MYT1L: variants seen among roughly 807,000 people sequenced by gnomAD.
The protein encoded by MYT1L is myelin transcription factor 1-like protein.
Under a neutral mutation model 126.7 loss-of-function variants are expected in MYT1L, and 12 were observed. That is an observed-to-expected ratio of 0.09 (90% CI 0.06 to 0.15). The LOEUF is 0.15. MYT1L is among the 10% of genes least tolerant of loss of function. The probability of loss-of-function intolerance (pLI) is 1.00; values close to 1 mark genes in which losing one functional copy is unlikely to be tolerated. For missense variants in MYT1L, 979 were observed against 1,585.2 expected (o/e 0.62, Z 6.49); for synonymous variants, 541 against 604.2 (o/e 0.90, Z 1.53).
chr2:1,859,847 G>C (rs900475788), intron 18 of MYT1L, among the ~76,000 whole-genome samples: 1 of 152,220 alleles, frequency 6.6e-6, no homozygotes, highest in Non-Finnish European at 1.5e-5. Context: ...ACAGCGCGCC[G>C]GATGAGAGGG....
At chr2:1,905,226 C>G (rs891605141) in intron 13 of MYT1L, among the ~76,000 whole-genome samples, 1 of 152,096 alleles carries the variant, frequency 6.6e-6, no homozygotes, top group Non-Finnish European at 1.5e-5. Flanking sequence ...CAGAGAGTTT[C>G]TTGTTGAATT....
In MYT1L at chr2:2,308,161, C is replaced by T. The variant is rs916793128; in HGVS notation, c.-521+22806G>A. 3.3e-5 allele frequency among the ~76,000 whole-genome samples: 5 copies of T among 151,684 alleles called. No individual in the cohort carries two copies. The South Asian group carries it at 6.3e-4, about 19-fold the overall frequency. ...CACTTCAGCACATTCTACCCATACT[C>T]CACCTACTCTTCACTATAATCTACC... On this transcript the variant is annotated intron_variant, in intron 1 of 24. Transcript: ENST00000647738.
chr2:2,210,980 T>C (rs2093485127), intron 2 of MYT1L, among the ~76,000 whole-genome samples: 1 of 152,210 alleles, frequency 6.6e-6, no homozygotes, highest in Non-Finnish European at 1.5e-5. Context: ...TTTAATTTTA[T>C]GTGTGGCTAT....
At chr2:1,805,885 A>G (rs1011983847) in intron 22 of MYT1L, among the ~76,000 whole-genome samples, 4 of 152,094 alleles carry the variant, frequency 2.6e-5, no homozygotes, top group Non-Finnish European at 5.9e-5. Context: ...GACCCAGTCC[A>G]AAAAAAGAGA....
chr2:2,160,156 A>C (rs1017269187), intron 3 of MYT1L, among the ~76,000 whole-genome samples: 1 of 152,186 alleles, frequency 6.6e-6, no homozygotes, highest in African/African-American at 2.4e-5. Context: ...CACTCATTGC[A>C]TGTTAGTTCT....
At position 1,791,429 on chromosome 2, in the gene MYT1L, C is replaced by T. The variant is rs2032065202; in HGVS notation, c.*438G>A. On this transcript the variant is annotated 3_prime_UTR_variant, in exon 25 of 25. Transcript: ENST00000647738. The surrounding 1 kb of genome is among the most constrained non-coding windows in gnomAD (Gnocchi z 6.0). ...CAAAATGATAACGTCTAAAAAGCGG[C>T]TGCTCAGCCACAACATGATCATTCA... 2.7e-6 allele frequency: 1 copy of T among 372,870 alleles called. No homozygotes were observed. Among genetic ancestry groups the T allele is most frequent in the East Asian group, 7.2e-5 (1 of 13,828 alleles). 23.1% of individuals were successfully genotyped at this position (372,870 alleles called of 1,614,324 possible).
intron 8 of MYT1L, among the ~76,000 whole-genome samples, chr2:1,964,006 C>A (rs1455736149): frequency 6.6e-6 from 1 of 152,200 alleles, no homozygotes; most frequent in African/African-American, 2.4e-5. Context: ...TGGCTTTTGG[C>A]ACGCCTTCCT....
intron 19 of MYT1L, among the ~76,000 whole-genome samples, chr2:1,846,979 G>T (rs2042584632): frequency 6.6e-6 from 1 of 152,160 alleles, no homozygotes; most frequent in Non-Finnish European, 1.5e-5. Context: ...TCAGGACCTG[G>T]TGATGTCTCC....
At chr2:2,269,681 C>T (rs139845618) in intron 2 of MYT1L, among the ~76,000 whole-genome samples, 316 of 152,232 alleles carry the variant, frequency 2.1e-3, no homozygotes, top group African/African-American at 5.2e-3. Flanking sequence ...GATTTGTGCT[C>T]CCCGGCAAGC....
Position 2,251,171 on chromosome 2 carries a change from T to A in MYT1L, c.-421+33233A>T, listed in dbSNP as rs146747296. 1.0e-3 allele frequency among the ~76,000 whole-genome samples: 155 copies of A among 152,320 alleles called. 1 individual carries two copies. The highest frequency in any genetic ancestry group is 3.6e-3 in the African/African-American group (149 of 41,560). On this transcript the variant is annotated intron_variant, in intron 2 of 24. Transcript: ENST00000647738. The stretch of plus-strand genomic sequence containing the variant: ...GGATACATTTTTAAGGCACATATCC[T>A]CAATCCTCATTTACAGGTATGTTGT...
At chr2:1,994,396 T>A (rs890658966) in intron 5 of MYT1L, among the ~76,000 whole-genome samples, 1 of 151,664 alleles carries the variant, frequency 6.6e-6, no homozygotes, top group Non-Finnish European at 1.5e-5. Flanking sequence ...TCCCAGCGAG[T>A]CCTCCTGGGG....
intron 9 of MYT1L, among the ~76,000 whole-genome samples, chr2:1,927,203 GAC>G (rs1264751247): frequency 6.6e-6 from 1 of 151,926 alleles, no homozygotes; most frequent in African/African-American, 2.4e-5. Flanking sequence ...GAGCCCAGAA[GAC>G]AGAGCCCATT....
At chr2:2,236,814 CT>C (rs1321418446) in intron 2 of MYT1L, among the ~76,000 whole-genome samples, 10 of 7,068 alleles carry the variant, frequency 1.4e-3, no homozygotes, top group African/African-American at 4.4e-3. Context: ...TCTTCTTCTT[CT>C]TTTTTTTTTT....
intron 1 of MYT1L, among the ~76,000 whole-genome samples, chr2:2,298,008 A>G (rs2095722126): frequency 6.6e-6 from 1 of 152,210 alleles, no homozygotes; most frequent in Non-Finnish European, 1.5e-5. Flanking sequence ...TCTAGAAGGA[A>G]ACTAGGAGAA....
rs556302380 is a variant in MYT1L, at chr2:2,107,877, G to A, written c.-303-53754C>T. Among the ~76,000 whole-genome samples, 15 of 152,254 alleles carry A rather than the reference G, an allele frequency of 9.9e-5. No individual in the cohort carries two copies. In the South Asian group the frequency reaches 1.9e-3, roughly 19 times the overall value. The stretch of plus-strand genomic sequence containing the variant: ...GCTGCTCTGCCTTTACCCCAGAGAC[G>A]CAGTTGCTGCACACACGGAGCTGCT... On this transcript the variant is annotated intron_variant, in intron 3 of 24. Transcript: ENST00000647738.
At chr2:2,088,488 T>G (rs1477498774) in intron 3 of MYT1L, among the ~76,000 whole-genome samples, 1 of 152,104 alleles carries the variant, frequency 6.6e-6, no homozygotes, top group Non-Finnish European at 1.5e-5. Context: ...GAGCGACCAG[T>G]GGATCCAGTC....
At chr2:2,027,454 C>A (rs767870288) in intron 4 of MYT1L, among the ~76,000 whole-genome samples, 6 of 152,172 alleles carry the variant, frequency 3.9e-5, no homozygotes, top group Non-Finnish European at 7.3e-5. Context: ...CGGATGACCC[C>A]CGGCCATTCT....
rs544379888 is a variant in MYT1L, at chr2:2,224,680, G to A, written c.-420-51692C>T. On this transcript the variant is annotated intron_variant, in intron 2 of 24. Coordinates refer to ENST00000647738, the MANE Select transcript of MYT1L (RefSeq NM_001303052.2). The surrounding 1 kb of genome is among the most constrained non-coding windows in gnomAD (Gnocchi z 4.0). ...TAAAAATACAAAAAATTAGCCAGGTGTGGTGGCGGGCACCTGTAGTCCCAG... is the reference window on the plus strand; with the variant it reads ...TAAAAATACAAAAAATTAGCCAGGTATGGTGGCGGGCACCTGTAGTCCCAG... 1.3e-5 allele frequency among the ~76,000 whole-genome samples: 2 copies of A among 152,166 alleles called. No individual in the cohort carries two copies. Among genetic ancestry groups the A allele is most frequent in the Admixed American group, 1.3e-4 (2 of 15,304 alleles).
chr2:2,250,426 C>T (rs1452016922), intron 2 of MYT1L, among the ~76,000 whole-genome samples: 1 of 152,060 alleles, frequency 6.6e-6, no homozygotes, highest in Non-Finnish European at 1.5e-5. Flanking sequence ...ACAAACATTA[C>T]ATATTCTCAC....
Sources: gnomAD v4.1 joint callset for allele counts (sites outside exome capture counted in the v4.1 genomes callset) on GRCh38, gnomAD v4.1.1 for gene constraint, Gnocchi (gnomAD v3.1) non-coding constraint, MANE v1.5 for transcripts, NCBI Gene and HGNC (gene_info 2026-07-23, HGNC 2026-07-21) for gene names.